Variants in EIF2B5 observed in about 807,000 individuals in gnomAD.
EIF2B5 encodes translation initiation factor eIF2B subunit epsilon.
EIF2B5 carries 38 observed loss-of-function variants against 87.3 expected under a neutral mutation model. That is an observed-to-expected ratio of 0.44 (90% CI 0.34 to 0.57). The LOEUF (loss-of-function observed/expected upper bound fraction) is 0.57. Ranked by LOEUF, EIF2B5 falls within the 20% of genes least tolerant of loss-of-function variation. The probability of loss-of-function intolerance (pLI) is 0.02; values close to 1 mark genes in which losing one functional copy is unlikely to be tolerated. For synonymous variants in EIF2B5, 313 were observed against 339.6 expected (o/e 0.92, Z 0.86); for missense variants, 784 against 909.5 (o/e 0.86, Z 1.78).
Position 184,143,474 on chromosome 3 carries a change from T to C in EIF2B5, c.1778T>C (p.Met593Thr), listed in dbSNP as rs1463974637. ...YAYNISLKEV[M>T]QVLSHVVLEF... ...TATAACATAAGTCTAAAGGAGGTGATGCAGGTACTGAGCCACGTGGTCCTG... is the reference window on the plus strand; with the variant it reads ...TATAACATAAGTCTAAAGGAGGTGACGCAGGTACTGAGCCACGTGGTCCTG... The change falls in exon 13 of 16, where the codon ATG (methionine) becomes ACG (threonine). Residue 593 changes from methionine (M) to threonine (T), a missense_variant. By Grantham distance (81) the Met-to-Thr change is moderately conservative. Around this residue, in one of 3 missense-constraint regions of EIF2B5, gnomAD observed 660 missense variants for 789.5 expected, o/e 0.84. Coordinates refer to ENST00000648915, the MANE Select transcript of EIF2B5 (RefSeq NM_003907.3). 2 of 1,614,194 alleles carry C rather than the reference T, an allele frequency of 1.2e-6. No individual in the cohort carries two copies. The highest frequency in any genetic ancestry group is 3.3e-5 in the Admixed American group (2 of 60,020).
At chr3:184,143,214 T>C in intron 12 of EIF2B5, 72 bp downstream of exon 12, 2 of 1,552,942 alleles carry the variant, frequency 1.3e-6, no homozygotes, top group Non-Finnish European at 1.8e-6. Flanking sequence ...AAGTGTTTTG[T>C]CTCCAAATAG....
chr3:184,144,358 A>AAT, intron 14 of EIF2B5, 134 bp downstream of exon 14: 2 of 1,449,410 alleles, frequency 1.4e-6, no homozygotes, highest in Non-Finnish European at 1.9e-6. Context: ...TTATTGCTAG[A>AAT]ATAGTACAGC....
intron 7 of EIF2B5, 114 bp from the exon 8 acceptor site, chr3:184,141,811 G>A (rs1713645620): frequency 1.5e-6 from 2 of 1,371,284 alleles, no homozygotes; most frequent in Non-Finnish European, 2.1e-6. Context: ...GCGGGATGGG[G>A]AATGAGAGCT....
At chr3:184,143,689 G>T (rs1035058120) in intron 13 of EIF2B5, 124 bp downstream of exon 13, 3 of 1,476,238 alleles carry the variant, frequency 2.0e-6, no homozygotes, top group Non-Finnish European at 1.8e-6. Context: ...CTGGAAGCTG[G>T]TTGGGCTCTA....
At position 184,145,296 on chromosome 3, in the gene EIF2B5, AAG is replaced by A. The variant is rs398063089; in HGVS notation, c.*360_*361del. Reference sequence around the variant, plus strand: ...TGCTGCTTGTATATGTTAATATTAAAAGAGAGAGTGGTGTATTTGGTTTGTCT... The same window carrying A: ...TGCTGCTTGTATATGTTAATATTAAAAGAGAGTGGTGTATTTGGTTTGTCT... On this transcript the variant is annotated 3_prime_UTR_variant, in exon 16 of 16. Transcript: ENST00000648915. This position sits in a 1 kb window ranked among gnomAD's most constrained non-coding sequence, Gnocchi z 4.0. 178,401 of 371,094 alleles carry A rather than the reference AAG, an allele frequency of 0.48. 44,003 individuals carry two copies. Among genetic ancestry groups the A allele is most frequent in the South Asian group, 0.56 (24,322 of 43,402 alleles). The allele number at this position is 371,094 out of a possible 1,614,324, so 23.0% of individuals were successfully genotyped here. A position where few individuals can be genotyped will look rare whatever the true frequency, so the allele number is the denominator to read the frequency against.
intron 13 of EIF2B5, 55 bp from the exon 14 acceptor site, chr3:184,144,043 TC>T: frequency 3.1e-6 from 5 of 1,613,690 alleles, no homozygotes; most frequent in Non-Finnish European, 4.2e-6. Context: ...TGCTTGGATG[TC>T]CAGGTATAGG....
intron 5 of EIF2B5, among the ~76,000 whole-genome samples, chr3:184,139,298 T>G (rs1713512708): frequency 7.2e-6 from 1 of 139,652 alleles, no homozygotes; most frequent in Non-Finnish European, 1.5e-5. Flanking sequence ...TTTTTTTTTT[T>G]GAGTCGGAGT....
intron 15 of EIF2B5, 29 bp from the exon 16 acceptor site, chr3:184,144,855 C>G: frequency 1.2e-6 from 2 of 1,612,396 alleles, no homozygotes; most frequent in Non-Finnish European, 1.7e-6. Context: ...GCACCTCCCC[C>G]AGCCGATCTC....
Position 184,140,488 on chromosome 3 carries a change from T to C in EIF2B5, c.914T>C (p.Met305Thr), listed in dbSNP as rs1362244597. 3.7e-6 allele frequency: 6 copies of C among 1,614,006 alleles called. No individual in the cohort carries two copies. Among genetic ancestry groups the C allele is most frequent in the African/African-American group, 1.3e-5 (1 of 74,880 alleles). Residue 305 changes from methionine (M) to threonine (T), a missense_variant, in exon 7 of 16, where the codon ATG becomes ACG. This residue lies in a region of EIF2B5 where 660 missense variants were observed against 789.5 expected (regional missense o/e 0.84). Transcript: ENST00000648915. ...GGTGCCCGTGTCTCCAACCTACACATGTACTCAGCTGTCTGTGCTGACGTC... is the reference window on the plus strand; with the variant it reads ...GGTGCCCGTGTCTCCAACCTACACACGTACTCAGCTGTCTGTGCTGACGTC... ...EYGARVSNLH[M>T]YSAVCADVIR...
chr3:184,136,548 T>G, intron 1 of EIF2B5, 64 bp from the exon 2 acceptor site: 1 of 1,603,328 alleles, frequency 6.2e-7, no homozygotes, highest in Non-Finnish European at 8.5e-7. Context: ...GAGTGAAAAT[T>G]GTTGCAGTGG....
chr3:184,145,043 C>A lies in EIF2B5; in HGVS notation c.*100C>A. 9.2e-7 allele frequency: 1 copy of A among 1,089,926 alleles called. No homozygotes were observed. The highest frequency in any genetic ancestry group is 1.4e-6 in the Non-Finnish European group (1 of 719,014). The allele number at this position is 1,089,926 out of a possible 1,614,324, so 67.5% of individuals were successfully genotyped here. A position where few individuals can be genotyped will look rare whatever the true frequency, so the allele number is the denominator to read the frequency against. ...CTGCAGAGGGATGAGTGACCACCATCCAGGCTGAGACTGAAAGGAGCAGAG... is the reference window on the plus strand; with the variant it reads ...CTGCAGAGGGATGAGTGACCACCATACAGGCTGAGACTGAAAGGAGCAGAG... On this transcript the variant is annotated 3_prime_UTR_variant, in exon 16 of 16. Coordinates refer to ENST00000648915, the MANE Select transcript of EIF2B5 (RefSeq NM_003907.3). The surrounding 1 kb of genome is among the most constrained non-coding windows in gnomAD (Gnocchi z 4.0).
At chr3:184,136,576 G>A in intron 1 of EIF2B5, 36 bp from the exon 2 acceptor site, 1 of 1,613,344 alleles carries the variant, frequency 6.2e-7, no homozygotes, top group Non-Finnish European at 8.5e-7. Context: ...AAAGGGATTC[G>A]AGACCTCAAG....
Position 184,144,134 on chromosome 3 carries a change from C to T in EIF2B5, c.1905C>T (p.Tyr635=), listed in dbSNP as rs765779026. 1.9e-6 allele frequency: 3 copies of T among 1,614,218 alleles called. No individual in the cohort carries two copies. The highest frequency in any genetic ancestry group is 1.1e-5 in the South Asian group (1 of 91,088). The change falls in exon 14 of 16, where the codon TAC becomes TAT. Residue 635 remains tyrosine, a synonymous_variant. Transcript: ENST00000648915. ...CCTGGAGCCCTGTTTTTAGGAACTA[C>T]ATAAAGCGCGCAGCCGACCATTTGG... ...LKAWSPVFRN[Y]IKRAADHLEA...
intron 6 of EIF2B5, 74 bp downstream of exon 6, chr3:184,140,231 G>T (rs1713564313): frequency 1.3e-6 from 2 of 1,514,718 alleles, no homozygotes; most frequent in South Asian, 1.1e-5. Context: ...GGTAACTTTT[G>T]ATCTTTTTTG....
chr3:184,141,304 C>T (rs561508123), intron 7 of EIF2B5, among the ~76,000 whole-genome samples: 86 of 152,290 alleles, frequency 5.6e-4, no homozygotes, highest in African/African-American at 2.0e-3. Flanking sequence ...CGTGGTGGCT[C>T]ATGCTTGTAA....
In EIF2B5 at chr3:184,142,897, G is replaced by A. The variant is rs1157427463; in HGVS notation, c.1654+11G>A. On this transcript the variant is annotated intron_variant, in intron 11 of 15. Coordinates refer to ENST00000648915, the MANE Select transcript of EIF2B5 (RefSeq NM_003907.3). This position sits in a 1 kb window ranked among gnomAD's most constrained non-coding sequence, Gnocchi z 5.0. ...TGGATGACATCAAAGGTGAGTGGCA[G>A]GGGAGAAATGCGCTGGACCAGTTTA... 2 of 1,609,198 alleles carry A rather than the reference G, an allele frequency of 1.2e-6. No homozygotes were observed. Among genetic ancestry groups the A allele is most frequent in the Admixed American group, 3.4e-5 (2 of 59,572 alleles).
At chr3:184,143,020 G>C (rs775387749) in intron 11 of EIF2B5, 32 bp from the exon 12 acceptor site, 1 of 1,604,196 alleles carries the variant, frequency 6.2e-7, no homozygotes, top group South Asian at 1.1e-5. Flanking sequence ...GAATGATGTT[G>C]GCCCATGAAC....
intron 4 of EIF2B5, 36 bp from the exon 5 acceptor site, chr3:184,138,130 G>GA (rs1713450368): frequency 6.2e-7 from 1 of 1,614,126 alleles, no homozygotes; most frequent in Non-Finnish European, 8.5e-7. Context: ...TTCAGTGGGA[G>GA]AAACAAATTA....
rs780225575 is a variant in EIF2B5, at chr3:184,144,614, C to T, written c.2013C>T (p.Tyr671=). 1 of 1,614,138 alleles carries T rather than the reference C, an allele frequency of 6.2e-7. No individual in the cohort carries two copies. Among genetic ancestry groups the T allele is most frequent in the Admixed American group, 1.7e-5 (1 of 60,014 alleles). ...TTTTGCAGGTACTGATGGCTTTCTA[C>T]CAGCTGGAGATCCTGGCTGAGGAAA... ...ISMAKVLMAF[Y]QLEILAEETI... The change falls in exon 15 of 16, where the codon TAC becomes TAT. Residue 671 remains tyrosine, a synonymous_variant. Transcript: ENST00000648915.
Sources: gnomAD v4.1 joint callset for allele counts (sites outside exome capture counted in the v4.1 genomes callset) on GRCh38, gnomAD v4.1.1 for gene constraint, gnomAD v4.1.1 regional missense constraint, Gnocchi (gnomAD v3.1) non-coding constraint, MANE v1.5 for transcripts, NCBI Gene and HGNC (gene_info 2026-07-23, HGNC 2026-07-21) for gene names.